MAP7D2: variants seen among roughly 807,000 people sequenced by gnomAD.
The protein encoded by MAP7D2 is MAP7 domain-containing protein 2.
A neutral mutation model predicts 63.5 loss-of-function variants in MAP7D2; 33 were observed. That is an observed-to-expected ratio of 0.52 (90% confidence interval 0.39 to 0.70). MAP7D2 has a LOEUF of 0.70. Among genes scored for constraint, MAP7D2 ranks in the 30% least tolerant of loss-of-function variants. MAP7D2 has a pLI of 0.00. For missense variants in MAP7D2, 626 were observed against 604.0 expected, an observed-to-expected ratio of 1.04 and a Z score of -0.38; for synonymous variants, 224 against 223.7, an observed-to-expected ratio of 1.00 and a Z score of -0.01.
chrX:20,038,339 A>G (rs1332769029), intron 8 of MAP7D2, among the ~76,000 whole-genome samples: 1 of 111,910 alleles, frequency 8.9e-6, no homozygotes, highest in Admixed American at 9.5e-5. Context: ...CTTTACGGCT[A>G]AAGAAGTGCA....
At chrX:20,015,846 G>A (rs773995730) in intron 11 of MAP7D2, among the ~76,000 whole-genome samples, 1 of 111,591 alleles carries the variant, frequency 9.0e-6, no homozygotes, top group Non-Finnish European at 1.9e-5. Flanking sequence ...CCTGGGATTC[G>A]CTTGCAAAAA....
intron 10 of MAP7D2, among the ~76,000 whole-genome samples, chrX:20,017,832 C>A (rs1322219703): frequency 9.0e-6 from 1 of 111,540 alleles, no homozygotes; most frequent in African/African-American, 3.3e-5. Context: ...CATTTCTTAC[C>A]CTTTATTAAC....
intron 12 of MAP7D2, among the ~76,000 whole-genome samples, chrX:20,014,540 C>A (rs2073318261): frequency 9.0e-6 from 1 of 111,473 alleles, no homozygotes; most frequent in African/African-American, 3.3e-5. Context: ...TGCACTCCAG[C>A]ATGGGCAATA....
chrX:20,111,099 G>A (rs1219169635), intron 1 of MAP7D2, among the ~76,000 whole-genome samples: 2 of 111,560 alleles, frequency 1.8e-5, no homozygotes, highest in Non-Finnish European at 3.8e-5. Context: ...TTAGGTACCT[G>A]GACAATGAGA....
In MAP7D2 at chrX:20,025,900, G is replaced by A. The variant is rs764508299; in HGVS notation, c.1060C>T (p.Pro354Ser). The change falls in exon 9 of 17, where the codon CCA becomes TCA. Residue 354 changes from proline (P) to serine (S), a missense_variant. Coordinates refer to ENST00000379643, the MANE Select transcript of MAP7D2 (RefSeq NM_001168465.2). ...QSPKTTKPPYPGSPVKYRLPA... is the reference protein window; with the variant it reads ...QSPKTTKPPYSGSPVKYRLPA... ...AAGCGGTACTTCACAGGAGACCCTG[G>A]GTAGGGAGGTTTCGTTGTCTTTGGA... The A allele has an allele frequency of 4.1e-6, 5 of 1,209,482 alleles. No individual in the cohort carries two copies. The highest frequency in any genetic ancestry group is 5.6e-6 in the Non-Finnish European group (5 of 895,008).
At chrX:20,061,573 C>T (rs942775353) in intron 3 of MAP7D2, among the ~76,000 whole-genome samples, 5 of 112,355 alleles carry the variant, frequency 4.5e-5, no homozygotes, top group African/African-American at 1.6e-4. Context: ...GGGCAGCCTC[C>T]TGCTTCCCTC....
intron 4 of MAP7D2, among the ~76,000 whole-genome samples, chrX:20,055,399 A>T (rs2065045244): frequency 8.9e-6 from 1 of 111,957 alleles, no homozygotes; most frequent in African/African-American, 3.2e-5. Context: ...AGTAATCAGA[A>T]ATGCCCTGCT....
At chrX:20,094,507 T>TAC (rs1490691615) in intron 1 of MAP7D2, among the ~76,000 whole-genome samples, 6 of 12,832 alleles carry the variant, frequency 4.7e-4, no homozygotes, top group Non-Finnish European at 6.0e-4. Context: ...TATATATATA[T>TAC]ATATATATGT....
chrX:20,108,936 G>A lies in MAP7D2; in HGVS notation c.130+7814C>T, dbSNP rs779598379. Among the ~76,000 whole-genome samples, 20 of 110,322 alleles carry A rather than the reference G, an allele frequency of 1.8e-4. No individual in the cohort carries two copies. The South Asian group carries it at 7.4e-3, about 41-fold the overall frequency. On this transcript the variant is annotated intron_variant, in intron 1 of 16. Coordinates refer to ENST00000379643, the MANE Select transcript of MAP7D2 (RefSeq NM_001168465.2). ...TAACAATAATTGTGGGCACAGAGAG[G>A]ATGGGGGGTTCATTCCTGGTAAACT...
At chrX:20,084,070 A>T (rs1050150743) in intron 1 of MAP7D2, among the ~76,000 whole-genome samples, 1 of 110,391 alleles carries the variant, frequency 9.1e-6, no homozygotes, top group African/African-American at 3.3e-5. Flanking sequence ...GTGTGGTGAC[A>T]CGCGCCTGTA....
rs780050171 is a variant in MAP7D2, at chrX:20,056,720, C to T, written c.444G>A (p.Ser148=). 5.8e-6 allele frequency: 7 copies of T among 1,211,669 alleles called. No individual in the cohort carries two copies. Among genetic ancestry groups the T allele is most frequent in the Non-Finnish European group, 6.7e-6 (6 of 895,410 alleles). Residue 148 remains serine (S), a synonymous_variant, in exon 4 of 17, where the codon TCG becomes TCA. Coordinates refer to ENST00000379643, the MANE Select transcript of MAP7D2 (RefSeq NM_001168465.2). ...TQQLELKKKY[S]WGAPLAIGPG... Reference sequence around the variant, plus strand: ...GTCCAATGGCCAGTGGTGCTCCCCACGAATACTTCTTTTTCAGCTCCAGCT... The same window carrying T: ...GTCCAATGGCCAGTGGTGCTCCCCATGAATACTTCTTTTTCAGCTCCAGCT...
intron 10 of MAP7D2, among the ~76,000 whole-genome samples, chrX:20,020,353 C>G (rs113175772): frequency 0.02 from 2,263 of 111,700 alleles, 65 homozygotes; most frequent in African/African-American, 0.071. Context: ...CCTCTCTCAG[C>G]TGCTTCTCAT....
At chrX:20,047,246 GAGGCCAC>G (rs1373652546) in intron 6 of MAP7D2, among the ~76,000 whole-genome samples, 2 of 112,768 alleles carry the variant, frequency 1.8e-5, no homozygotes, top group Non-Finnish European at 1.9e-5. Flanking sequence ...ACCACAGTGG[GAGGCCAC>G]ACTGGGAACT....
At chrX:20,027,748 A>G (rs2073907435) in intron 8 of MAP7D2, among the ~76,000 whole-genome samples, 2 of 87,295 alleles carry the variant, frequency 2.3e-5, no homozygotes, top group Non-Finnish European at 4.4e-5. Flanking sequence ...AGGGAGAGAG[A>G]AGGCGGGGGG....
chrX:20,087,607 G>C (rs1333533247), intron 1 of MAP7D2, among the ~76,000 whole-genome samples: 1 of 111,958 alleles, frequency 8.9e-6, no homozygotes, highest in Non-Finnish European at 1.9e-5. Flanking sequence ...TCAACTCTGG[G>C]CTTCTAATTC....
chrX:20,017,326 C>T (rs1569514471), intron 10 of MAP7D2: 1 of 112,478 alleles, frequency 8.9e-6, no homozygotes, highest in Non-Finnish European at 1.9e-5. Flanking sequence ...ATCCTCTCTC[C>T]AAGCCCCAAT....
intron 1 of MAP7D2, among the ~76,000 whole-genome samples, chrX:20,094,763 G>T (rs1246265116): frequency 2.9e-5 from 3 of 102,295 alleles, no homozygotes; most frequent in Non-Finnish European, 6.0e-5. Context: ...CTTTAGTAGA[G>T]ATGGGATTTC....
chrX:20,024,540 C>T (rs768714237), intron 10 of MAP7D2, among the ~76,000 whole-genome samples: 2 of 111,967 alleles, frequency 1.8e-5, no homozygotes, highest in African/African-American at 3.2e-5. Context: ...GATAATTTGA[C>T]GGAGGAAACA....
intron 3 of MAP7D2, among the ~76,000 whole-genome samples, chrX:20,061,118 C>CAAAAAA (rs780468494): frequency 8.6e-5 from 3 of 34,852 alleles, no homozygotes; most frequent in African/African-American, 1.1e-4. Flanking sequence ...AGAACATGAC[C>CAAAAAA]AAAAAAAAAA....
Sources: allele counts gnomAD v4.1 joint callset (sites outside exome capture counted in the v4.1 genomes callset), GRCh38; gene constraint gnomAD v4.1.1; transcripts MANE v1.5; gene names NCBI Gene and HGNC (gene_info 2026-07-23, HGNC 2026-07-21).